Variants in RFX3 observed in about 807,000 individuals in gnomAD.
RFX3 encodes the protein regulatory factor X3.
RFX3 carries 14 observed loss-of-function variants against 98.6 expected under a neutral mutation model. The ratio of observed to expected loss-of-function variants is 0.14; its 90% CI spans 0.09 to 0.22. The LOEUF is 0.22. Among genes scored for constraint, RFX3 ranks in the 10% least tolerant of loss-of-function variants. The probability of loss-of-function intolerance (pLI) is 1.00; values close to 1 mark genes in which losing one functional copy is unlikely to be tolerated. For synonymous variants in RFX3, 383 were observed against 328.4 expected (o/e 1.17, Z -1.80); for missense variants, 639 against 926.9 (o/e 0.69, Z 4.03).
chr9:3,337,913 T>A (rs911860976), intron 3 of RFX3, among the ~76,000 whole-genome samples: 16 of 152,220 alleles, frequency 1.1e-4, no homozygotes, highest in Admixed American at 2.6e-4. Context: ...AGTAGCTACA[T>A]TATTTGGAAT....
At chr9:3,275,306 C>T (rs1825061842) in intron 9 of RFX3, among the ~76,000 whole-genome samples, 194 bp downstream of exon 9, 1 of 152,100 alleles carries the variant, frequency 6.6e-6, no homozygotes, top group African/African-American at 2.4e-5. Context: ...AACTTATTCT[C>T]ACTTTTCTGC....
intron 1 of RFX3, among the ~76,000 whole-genome samples, chr9:3,479,545 A>G (rs2133341070): frequency 6.6e-6 from 1 of 152,296 alleles, no homozygotes; most frequent in South Asian, 2.1e-4. Context: ...AACTGCATAA[A>G]CAATTTATCA....
chr9:3,512,769 G>T (rs1054931545), intron 1 of RFX3, among the ~76,000 whole-genome samples: 6 of 151,876 alleles, frequency 4.0e-5, no homozygotes, highest in African/African-American at 1.4e-4. Flanking sequence ...TCACAGTAAA[G>T]ATTTTAAAAA....
chr9:3,348,905 A>G (rs1490823167), intron 2 of RFX3, among the ~76,000 whole-genome samples: 3 of 152,086 alleles, frequency 2.0e-5, no homozygotes, highest in Non-Finnish European at 2.9e-5. Flanking sequence ...GGCTTATGTC[A>G]TATTTCCTAC....
At chr9:3,297,974 C>T (rs1339672585) in intron 5 of RFX3, among the ~76,000 whole-genome samples, 1 of 151,384 alleles carries the variant, frequency 6.6e-6, no homozygotes, top group Non-Finnish European at 1.5e-5. Flanking sequence ...TTAATTAACA[C>T]CAAGAAAAAG....
At chr9:3,315,965 A>G (rs1830534253) in intron 4 of RFX3, among the ~76,000 whole-genome samples, 1 of 152,218 alleles carries the variant, frequency 6.6e-6, no homozygotes. Context: ...AGCTGGTACC[A>G]TTCCTTCTGA....
At chr9:3,490,885 T>G in intron 1 of RFX3, among the ~76,000 whole-genome samples, 1 of 152,276 alleles carries the variant, frequency 6.6e-6, no homozygotes, top group South Asian at 2.1e-4. Flanking sequence ...ACTAATGATC[T>G]TTATTGGCTA....
intron 1 of RFX3, among the ~76,000 whole-genome samples, chr9:3,518,196 A>T (rs1435399524): frequency 6.6e-6 from 1 of 152,204 alleles, no homozygotes; most frequent in Non-Finnish European, 1.5e-5. Context: ...ACAATGATGA[A>T]ATCACCTAAC....
intron 14 of RFX3, among the ~76,000 whole-genome samples, chr9:3,251,123 G>C: frequency 6.6e-6 from 1 of 152,116 alleles, no homozygotes; most frequent in East Asian, 1.9e-4. Flanking sequence ...TAAACATAAT[G>C]AAATAGTATG....
intron 2 of RFX3, among the ~76,000 whole-genome samples, chr9:3,380,192 G>C (rs916335648): frequency 6.6e-6 from 1 of 152,124 alleles, no homozygotes; most frequent in African/African-American, 2.4e-5. Flanking sequence ...CTCCCAAAGT[G>C]CTGGGATTAC....
intron 4 of RFX3, among the ~76,000 whole-genome samples, chr9:3,305,445 G>C (rs1398535389): frequency 6.6e-6 from 1 of 151,904 alleles, no homozygotes; most frequent in Non-Finnish European, 1.5e-5. Flanking sequence ...AAATGCTTGT[G>C]GATTGAATAG....
rs540998045 is a variant in RFX3, at chr9:3,496,285, A to AT, written c.-9+29461dup. On this transcript the variant is annotated intron_variant, in intron 1 of 16. Transcript: ENST00000617270. ...GTAAGTATTTCATCTCTTAGTGCAT[A>AT]TTTTTTTCTATTACTGCTCCTGTAA... Among the ~76,000 whole-genome samples, 234 of 152,010 alleles carry AT rather than the reference A, an allele frequency of 1.5e-3. 1 individual carries two copies. Among genetic ancestry groups the AT allele is most frequent in the African/African-American group, 5.2e-3 (216 of 41,508 alleles).
chr9:3,421,874 C>T (rs1034854233), intron 1 of RFX3, among the ~76,000 whole-genome samples: 6 of 152,146 alleles, frequency 3.9e-5, no homozygotes, highest in African/African-American at 1.4e-4. Flanking sequence ...ATTACTCTAG[C>T]AGGCAATTTC....
chr9:3,280,471 T>TTG (rs1825792359), intron 7 of RFX3, among the ~76,000 whole-genome samples: 1 of 151,740 alleles, frequency 6.6e-6, no homozygotes, highest in African/African-American at 2.4e-5. Context: ...TGAGAAAGCC[T>TTG]AGATCCTCAT....
rs928554462 is a variant in RFX3 at position 3,525,817 on chromosome 9, AGAGGAG to A, written c.-85_-80del. The A allele has an allele frequency of 4.7e-5, 38 of 808,706 alleles. No individual in the cohort carries two copies. The highest frequency in any genetic ancestry group is 9.3e-5 in the African/African-American group (5 of 53,560). The allele number at this position is 808,706 out of a possible 1,614,324, so 50.1% of individuals were successfully genotyped here. A position where few individuals can be genotyped will look rare whatever the true frequency, so the allele number is the denominator to read the frequency against. ...GTGGTGGTGGGGAGGAGGAGGAGGA[AGAGGAG>A]GAGGAGGAGGAGAGGAGTAGTTGTT... On this transcript the variant is annotated 5_prime_UTR_variant, in exon 1 of 17. Coordinates refer to ENST00000617270, the MANE Select transcript of RFX3 (RefSeq NM_001282116.2).
intron 1 of RFX3, among the ~76,000 whole-genome samples, chr9:3,518,669 C>G (rs1328835744): frequency 6.6e-6 from 1 of 152,072 alleles, no homozygotes; most frequent in African/African-American, 2.4e-5. Flanking sequence ...AAGGAAATTA[C>G]TGAATAGCAA....
chr9:3,334,535 A>G (rs1342222989), intron 3 of RFX3, among the ~76,000 whole-genome samples: 1 of 152,226 alleles, frequency 6.6e-6, no homozygotes, highest in Non-Finnish European at 1.5e-5. Context: ...AAGTCAGTTC[A>G]TAAGCTAAAA....
chr9:3,344,793 C>T lies in RFX3; in HGVS notation c.215+1874G>A, dbSNP rs557778419. 31 of 701,850 alleles carry T rather than the reference C, an allele frequency of 4.4e-5. No homozygotes were observed. The Admixed American group carries it at 5.7e-4, about 13-fold the overall frequency. The allele number at this position is 701,850 out of a possible 1,614,324, so 43.5% of individuals were successfully genotyped here. On this transcript the variant is annotated intron_variant, in intron 3 of 16. Transcript: ENST00000617270. ...CCTGAGAGCATAAAGGTCGAAGTGG[C>T]AGGCGTCTTTTTCATTTGGTATAAA...
At chr9:3,509,748 A>C (rs547866741) in intron 1 of RFX3, among the ~76,000 whole-genome samples, 126 of 152,166 alleles carry the variant, frequency 8.3e-4, no homozygotes, top group African/African-American at 2.8e-3. Flanking sequence ...TCAAAATTAT[A>C]GATAAACAGT....
Sources: allele counts gnomAD v4.1 joint callset (sites outside exome capture counted in the v4.1 genomes callset), GRCh38; gene constraint gnomAD v4.1.1; transcripts MANE v1.5; gene names NCBI Gene and HGNC (gene_info 2026-07-23, HGNC 2026-07-21).